The following UNC13C variants were observed in gnomAD, a reference collection of about 807,000 sequenced individuals.
UNC13C encodes the protein unc-13 homolog C, also known as protein unc-13 homolog C.
A neutral mutation model predicts 245.4 loss-of-function variants in UNC13C; 174 were observed. That is an observed-to-expected ratio of 0.71 (90% CI 0.63 to 0.80). The LOEUF (loss-of-function observed/expected upper bound fraction) is 0.80, where lower values mean the gene tolerates loss of function less well. UNC13C is among the 30% of genes least tolerant of loss of function. The pLI, the probability that UNC13C is intolerant of heterozygous loss-of-function variation, is 0.00. For missense variants in UNC13C, 2,829 were observed against 2,602.9 expected (o/e 1.09, Z -1.89); for synonymous variants, 992 against 895.1 (o/e 1.11, Z -1.93).
At chr15:53,854,240 T>G in the UNC13C span, among the ~76,000 whole-genome samples, 2 of 151,376 alleles carry the variant, frequency 1.3e-5, no homozygotes, top group African/African-American at 4.9e-5. Context: ...CTTGCCTCAG[T>G]CTCCTGAGTA....
chr15:53,926,636 G>GA, the UNC13C span, among the ~76,000 whole-genome samples: 1 of 152,230 alleles, frequency 6.6e-6, no homozygotes, highest in Non-Finnish European at 1.5e-5. Flanking sequence ...AGGCTTGTCA[G>GA]AAATATTGCA....
intron 2 of UNC13C, among the ~76,000 whole-genome samples, chr15:54,087,924 A>C (rs1208267771): frequency 6.6e-6 from 1 of 152,196 alleles, no homozygotes; most frequent in Non-Finnish European, 1.5e-5. Flanking sequence ...ACTTTAAGGC[A>C]ACTTTTGCTA....
At chr15:54,025,135 C>G (rs1896056218) in intron 2 of UNC13C, among the ~76,000 whole-genome samples, 1 of 152,156 alleles carries the variant, frequency 6.6e-6, no homozygotes, top group African/African-American at 2.4e-5. Flanking sequence ...AGCAATGTCA[C>G]TTTATTTAGA....
At chr15:54,186,836 A>ATATATAT (rs1567079825) in intron 4 of UNC13C, among the ~76,000 whole-genome samples, 2 of 126,140 alleles carry the variant, frequency 1.6e-5, no homozygotes, top group Non-Finnish European at 3.4e-5. Context: ...CAAAGAACAT[A>ATATATAT]ATATATATGT....
In UNC13C at chr15:54,302,570, G is replaced by T. The variant is rs750763180; in HGVS notation, c.4268+2197G>T. ...GAAACCCTTTCCCCATTGCTTGTTT[G>T]TGTCAGGTTTGTCAAAGATCAGATA... On this transcript the variant is annotated intron_variant, in intron 13 of 32. Transcript: ENST00000260323. Among the ~76,000 whole-genome samples, 24 of 152,026 alleles carry T rather than the reference G, an allele frequency of 1.6e-4. 1 individual carries two copies. The highest frequency in any genetic ancestry group is 2.5e-4 in the Non-Finnish European group (17 of 67,982).
chr15:54,180,575 A>G (rs779261726), intron 4 of UNC13C, among the ~76,000 whole-genome samples: 4 of 152,106 alleles, frequency 2.6e-5, no homozygotes, highest in Non-Finnish European at 4.4e-5. Flanking sequence ...AGAAATTGCC[A>G]AACTGCTTTC....
At chr15:53,975,724 A>G (rs1240307144), upstream of UNC13C, among the ~76,000 whole-genome samples, 2 of 152,228 alleles carry the variant, frequency 1.3e-5, no homozygotes, top group African/African-American at 2.4e-5. Flanking sequence ...CACCTGAACC[A>G]TAAATGAGAC....
At chr15:54,022,501 T>G (rs1895944590) in intron 2 of UNC13C, among the ~76,000 whole-genome samples, 1 of 152,172 alleles carries the variant, frequency 6.6e-6, no homozygotes, top group South Asian at 2.1e-4. Context: ...TGCATTTCCC[T>G]GAGATACTGA....
intron 8 of UNC13C, 93 bp downstream of exon 8, chr15:54,250,537 A>G: frequency 8.2e-7 from 1 of 1,214,982 alleles, no homozygotes; most frequent in East Asian, 2.5e-5. Context: ...GCTGGTTGTC[A>G]AGAAATCCTA....
intron 19 of UNC13C, among the ~76,000 whole-genome samples, chr15:54,415,776 C>A (rs2040506304): frequency 6.6e-6 from 1 of 152,088 alleles, no homozygotes; most frequent in Non-Finnish European, 1.5e-5. Flanking sequence ...TGGTCCCCAC[C>A]CTCATCAAGA....
intron 19 of UNC13C, chr15:54,416,874 T>A (rs969152303): frequency 4.4e-6 from 2 of 456,246 alleles, no homozygotes; most frequent in African/African-American, 2.0e-5. Flanking sequence ...TCCTTTATTG[T>A]CTTCGCTACA....
At chr15:54,419,273 C>G (rs2040587416) in intron 19 of UNC13C, among the ~76,000 whole-genome samples, 1 of 152,138 alleles carries the variant, frequency 6.6e-6, no homozygotes, top group Non-Finnish European at 1.5e-5. Flanking sequence ...TGGTCAGCCA[C>G]TTTCTCTGGT....
At chr15:54,626,668 T>G (rs990715814) in intron 32 of UNC13C, among the ~76,000 whole-genome samples, 160 bp from the exon 33 acceptor site, 1 of 152,140 alleles carries the variant, frequency 6.6e-6, no homozygotes, top group Non-Finnish European at 1.5e-5. Context: ...TAACATTCGC[T>G]TTCTAAGCCA....
At chr15:54,102,211 G>A (rs1900200914) in intron 2 of UNC13C, among the ~76,000 whole-genome samples, 1 of 151,834 alleles carries the variant, frequency 6.6e-6, no homozygotes. Flanking sequence ...AGTCTAGTAG[G>A]TTTTCTTTCA....
At chr15:53,946,192 G>C in the UNC13C span, among the ~76,000 whole-genome samples, 1 of 152,092 alleles carries the variant, frequency 6.6e-6, no homozygotes, top group Admixed American at 6.6e-5. Flanking sequence ...CAGATCATTT[G>C]ACTTCCTATA....
chr15:54,273,293 C>G (rs576680479), intron 10 of UNC13C, among the ~76,000 whole-genome samples: 70 of 152,198 alleles, frequency 4.6e-4, no homozygotes, highest in Non-Finnish European at 7.5e-4. Context: ...GTTTATTCAC[C>G]TATATCTGTT....
At chr15:53,984,749 G>A (rs1249539330) in intron 1 of UNC13C, among the ~76,000 whole-genome samples, 1 of 152,036 alleles carries the variant, frequency 6.6e-6, no homozygotes, top group South Asian at 2.1e-4. Flanking sequence ...AGTATGATAT[G>A]CAAAGTTGGA....
At chr15:54,601,001 A>G (rs1207218975) in intron 30 of UNC13C, among the ~76,000 whole-genome samples, 1 of 142,790 alleles carries the variant, frequency 7.0e-6, no homozygotes, top group African/African-American at 2.5e-5. Flanking sequence ...AAAAAATTGC[A>G]AAAAAAAAAT....
intron 4 of UNC13C, among the ~76,000 whole-genome samples, chr15:54,171,823 A>T (rs1005180555): frequency 2.0e-5 from 3 of 152,162 alleles, no homozygotes; most frequent in Non-Finnish European, 2.9e-5. Flanking sequence ...TTGCGGTATT[A>T]TTCACCATAG....
Sources: allele counts gnomAD v4.1 joint callset (sites outside exome capture counted in the v4.1 genomes callset), GRCh38; gene constraint gnomAD v4.1.1; transcripts MANE v1.5; gene names NCBI Gene and HGNC (gene_info 2026-07-23, HGNC 2026-07-21).